NEK5: variants seen among roughly 807,000 people sequenced by gnomAD.
The protein encoded by NEK5 is NIMA related kinase 5.
NEK5 carries 88 observed loss-of-function variants against 109.2 expected under a neutral mutation model. The ratio of observed to expected loss-of-function variants is 0.81; its 90% CI spans 0.68 to 0.96. The LOEUF is 0.96. NEK5 is among the 40% of genes least tolerant of loss of function. The pLI is 0.00. For missense variants in NEK5, 834 were observed against 920.7 expected, an observed-to-expected ratio of 0.91 and a Z score of 1.22; for synonymous variants, 283 against 299.9, an observed-to-expected ratio of 0.94 and a Z score of 0.58.
chr13:52,123,286 C>A (rs942497102), intron 3 of NEK5, among the ~76,000 whole-genome samples: 4 of 151,942 alleles, frequency 2.6e-5, no homozygotes, highest in Non-Finnish European at 4.4e-5. Flanking sequence ...ATAATGAGGT[C>A]TAATATAAGA....
At chr13:52,053,747 C>T (rs901017692) in intron 22 of NEK5, among the ~76,000 whole-genome samples, 1 of 152,186 alleles carries the variant, frequency 6.6e-6, no homozygotes, top group African/African-American at 2.4e-5. Context: ...TGCACCATCT[C>T]GCCCCACATA....
At chr13:52,097,013 G>A (rs1022819009) in intron 12 of NEK5, among the ~76,000 whole-genome samples, 1 of 152,176 alleles carries the variant, frequency 6.6e-6, no homozygotes, top group Non-Finnish European at 1.5e-5. Flanking sequence ...AACGGCCCAA[G>A]GTACAGCTCA....
At chr13:52,065,184 C>A in intron 21 of NEK5, 2 of 485,896 alleles carry the variant, frequency 4.1e-6, no homozygotes, top group South Asian at 3.7e-5. Context: ...TTGAGCTGGC[C>A]TTGGAAGGTA....
intron 20 of NEK5, 101 bp from the exon 21 acceptor site, chr13:52,065,710 T>A (rs1293681299): frequency 2.6e-6 from 2 of 780,882 alleles, no homozygotes; most frequent in Non-Finnish European, 4.2e-6. Flanking sequence ...TCAGCAGGTA[T>A]GTTCAAAACC....
chr13:52,084,668 G>A, intron 16 of NEK5, among the ~76,000 whole-genome samples: 1 of 151,136 alleles, frequency 6.6e-6, no homozygotes, highest in East Asian at 1.9e-4. Context: ...CTCCCAAGTA[G>A]CTAGGACTAC....
intron 19 of NEK5, among the ~76,000 whole-genome samples, chr13:52,073,992 G>A (rs1467735863): frequency 2.0e-5 from 3 of 151,924 alleles, no homozygotes; most frequent in Admixed American, 1.3e-4. Flanking sequence ...TAAACAAATG[G>A]AAAAACATGC....
At chr13:52,126,104 G>C (rs1394869488) in intron 3 of NEK5, among the ~76,000 whole-genome samples, 1 of 152,082 alleles carries the variant, frequency 6.6e-6, no homozygotes, top group Non-Finnish European at 1.5e-5. Flanking sequence ...CACTTTGTAT[G>C]GAACTTTTTA....
chr13:52,085,216 C>A (rs1369222537), intron 16 of NEK5, among the ~76,000 whole-genome samples: 1 of 152,064 alleles, frequency 6.6e-6, no homozygotes, highest in African/African-American at 2.4e-5. Context: ...AATAGGAGTT[C>A]CCCTACACAA....
intron 15 of NEK5, among the ~76,000 whole-genome samples, chr13:52,087,071 C>T (rs1010488443): frequency 2.6e-5 from 4 of 152,188 alleles, no homozygotes; most frequent in African/African-American, 7.2e-5. Context: ...AACTCTGTTA[C>T]AGCAGCCCAG....
intron 20 of NEK5, among the ~76,000 whole-genome samples, chr13:52,068,191 AGC>A: frequency 1.3e-5 from 2 of 152,062 alleles, no homozygotes; most frequent in Non-Finnish European, 2.9e-5. Flanking sequence ...CACAGTGAAG[AGC>A]TTTCCTCTTT....
intron 20 of NEK5, among the ~76,000 whole-genome samples, chr13:52,066,560 C>T (rs2137768648): frequency 6.6e-6 from 1 of 152,068 alleles, no homozygotes; most frequent in African/African-American, 2.4e-5. Flanking sequence ...AATCTCAGCA[C>T]TTTGGGAGGC....
intron 13 of NEK5, 52 bp downstream of exon 13, chr13:52,093,002 A>T: frequency 8.5e-7 from 1 of 1,174,134 alleles, no homozygotes; most frequent in Non-Finnish European, 1.2e-6. Context: ...AAATGTTAAT[A>T]TATAAAGATA....
At chr13:52,086,552 T>TCAAC in intron 15 of NEK5, among the ~76,000 whole-genome samples, 189 bp from the exon 16 acceptor site, 1 of 152,256 alleles carries the variant, frequency 6.6e-6, no homozygotes, top group Non-Finnish European at 1.5e-5. Context: ...ACAGTGGCTT[T>TCAAC]AGCTACAGAG....
In NEK5 at chr13:52,089,246, C is replaced by T; in HGVS notation, c.1275+1G>A. ...CTTCCCATATTTGGTATTTTACTTA[C>T]CAATTGCTTCTCCACTTTCAACTTA... On this transcript the variant is annotated splice_donor_variant, in intron 14 of 23. Transcript: ENST00000684899. LOFTEE classifies it high-confidence loss of function. 1.9e-6 allele frequency: 3 copies of T among 1,566,850 alleles called. No homozygotes were observed. In the African/African-American group the frequency reaches 4.1e-5, roughly 21 times the overall value.
At chr13:52,115,135 CT>C (rs1308914026) in intron 4 of NEK5, among the ~76,000 whole-genome samples, 1 of 151,684 alleles carries the variant, frequency 6.6e-6, no homozygotes. Context: ...GCCTCAGCCT[CT>C]CCGAGTAGCT....
chr13:52,065,329 G>A, intron 21 of NEK5, 155 bp downstream of exon 21: 2 of 1,017,754 alleles, frequency 2.0e-6, no homozygotes, highest in African/African-American at 3.1e-5. Flanking sequence ...GTCTCTTTAG[G>A]CATAGGGAGA....
At chr13:52,078,181 A>G (rs1389412689) in intron 17 of NEK5, among the ~76,000 whole-genome samples, 3 of 152,248 alleles carry the variant, frequency 2.0e-5, no homozygotes, top group Non-Finnish European at 4.4e-5. Flanking sequence ...GGATCAATAA[A>G]TTTTGATACA....
intron 22 of NEK5, among the ~76,000 whole-genome samples, chr13:52,061,362 G>A (rs1027510879): frequency 2.6e-5 from 4 of 152,172 alleles, no homozygotes; most frequent in African/African-American, 9.7e-5. Flanking sequence ...ACTGGTACTG[G>A]TCTGCGGCCC....
At chr13:52,064,263 C>T (rs1192411293) in intron 21 of NEK5, among the ~76,000 whole-genome samples, 18 of 137,972 alleles carry the variant, frequency 1.3e-4, no homozygotes, top group African/African-American at 1.6e-4. Flanking sequence ...CCGCCCCGTC[C>T]GGGAGGTGAG....
Sources: gnomAD v4.1 joint callset for allele counts (sites outside exome capture counted in the v4.1 genomes callset) on GRCh38, gnomAD v4.1.1 for gene constraint, MANE v1.5 for transcripts, NCBI Gene and HGNC (gene_info 2026-07-23, HGNC 2026-07-21) for gene names.